The following KIAA1549L variants were observed in gnomAD, a reference collection of about 807,000 sequenced individuals.
The protein encoded by KIAA1549L is UPF0606 protein KIAA1549L.
A neutral mutation model predicts 160.7 loss-of-function variants in KIAA1549L; 88 were observed. The observed-to-expected ratio is 0.55, with a 90% CI of 0.46 to 0.65. The LOEUF is 0.65. Among genes scored for constraint, KIAA1549L ranks in the 30% least tolerant of loss-of-function variants. The pLI is 0.00. For missense variants in KIAA1549L, 2,258 were observed against 2,437.5 expected (o/e 0.93, Z 1.55); for synonymous variants, 950 against 976.7 (o/e 0.97, Z 0.51).
chr11:33,499,593 A>C (rs996980838), intron 1 of KIAA1549L, among the ~76,000 whole-genome samples: 2 of 152,170 alleles, frequency 1.3e-5, no homozygotes, highest in African/African-American at 4.8e-5. Flanking sequence ...AGCCAGAGTG[A>C]ACACCCCCAT....
intron 1 of KIAA1549L, among the ~76,000 whole-genome samples, chr11:33,502,684 A>G (rs1852979589): frequency 6.6e-6 from 1 of 152,240 alleles, no homozygotes; most frequent in Non-Finnish European, 1.5e-5. Context: ...TATTACCAAA[A>G]TATGCTTCAT....
chr11:33,605,645 T>C (rs1850481278), intron 13 of KIAA1549L, among the ~76,000 whole-genome samples: 1 of 152,204 alleles, frequency 6.6e-6, no homozygotes, highest in South Asian at 2.1e-4. Flanking sequence ...TATGTGTTTC[T>C]CAATAATTTA....
chr11:33,624,386 A>T (rs1590408854), intron 16 of KIAA1549L, among the ~76,000 whole-genome samples: 1 of 151,990 alleles, frequency 6.6e-6, no homozygotes, highest in African/African-American at 2.4e-5. Context: ...AATCCTATGT[A>T]CTCCTGGGCC....
intron 1 of KIAA1549L, among the ~76,000 whole-genome samples, chr11:33,513,754 G>A (rs1853278182): frequency 6.6e-6 from 1 of 152,196 alleles, no homozygotes; most frequent in Admixed American, 6.5e-5. Flanking sequence ...TCACTCTTGG[G>A]CCAGTTGGCC....
At chr11:33,495,954 G>A (rs6484656) in intron 1 of KIAA1549L, among the ~76,000 whole-genome samples, 61,719 of 151,684 alleles carry the variant, frequency 0.41, 12,688 homozygotes, top group Middle Eastern at 0.55. Context: ...CATGTCCTTC[G>A]CCCACTTTTA....
chr11:33,536,442 G>A (rs1201595490), intron 1 of KIAA1549L, among the ~76,000 whole-genome samples: 1 of 152,224 alleles, frequency 6.6e-6, no homozygotes, highest in African/African-American at 2.4e-5. Context: ...GTGGATTGGA[G>A]TGGTCAGGCA....
Position 33,427,519 on chromosome 11 carries a change from C to T in KIAA1549L, c.238+50630C>T, listed in dbSNP as rs368348698. Among the ~76,000 whole-genome samples the T allele has an allele frequency of 6.6e-5, 10 of 152,250 alleles. No homozygotes were observed. The South Asian group carries it at 1.0e-3, about 16-fold the overall frequency. On this transcript the variant is annotated intron_variant, in intron 1 of 20. Transcript: ENST00000658780. Reference sequence around the variant, plus strand: ...TCCCCCTTCGCTGCTATACTCCCTCCGTCCCTATTTCTCCTTCCTCTTTTT... The same window carrying T: ...TCCCCCTTCGCTGCTATACTCCCTCTGTCCCTATTTCTCCTTCCTCTTTTT...
At chr11:33,415,419 A>T (rs892684497) in intron 1 of KIAA1549L, among the ~76,000 whole-genome samples, 1 of 152,160 alleles carries the variant, frequency 6.6e-6, no homozygotes, top group Non-Finnish European at 1.5e-5. Flanking sequence ...GTGTCGCTGT[A>T]CTGTCCCTGG....
chr11:33,535,023 G>A lies in KIAA1549L; in HGVS notation c.239-6779G>A, dbSNP rs74488485. Among the ~76,000 whole-genome samples, 1,097 of 152,246 alleles carry A rather than the reference G, an allele frequency of 7.2e-3. 5 individuals carry two copies. Among genetic ancestry groups the A allele is most frequent in the Non-Finnish European group, 0.012 (804 of 68,020 alleles). On this transcript the variant is annotated intron_variant, in intron 1 of 20. Transcript: ENST00000658780. ...GGCTGGACACAGCTTATCTGCACAG[G>A]GTCTCACAGGGCTGCATACATGGTA...
In KIAA1549L at chr11:33,542,609, C is replaced by T. The variant is rs1292370224; in HGVS notation, c.1046C>T (p.Ala349Val). 1 of 1,613,848 alleles carries T rather than the reference C, an allele frequency of 6.2e-7. No individual in the cohort carries two copies. Among genetic ancestry groups the T allele is most frequent in the Admixed American group, 1.7e-5 (1 of 60,002 alleles). ...ACACCTGGGTTTTTGAGCCCCATGGCAGAACTGTCCCATCCGTCTCCCCCT... is the reference window on the plus strand; with the variant it reads ...ACACCTGGGTTTTTGAGCCCCATGGTAGAACTGTCCCATCCGTCTCCCCCT... ...SSTPGFLSPM[A>V]ELSHPSPPPP... Residue 349 changes from alanine to valine, a missense_variant, in exon 2 of 21, where the codon GCA (alanine) becomes GTA (valine). Transcript: ENST00000658780.
At chr11:33,438,847 G>T (rs1243433121) in intron 1 of KIAA1549L, among the ~76,000 whole-genome samples, 29 of 139,588 alleles carry the variant, frequency 2.1e-4, no homozygotes, top group Admixed American at 2.1e-4. Context: ...GGATTTGAAG[G>T]TTTTTTTTTT....
At chr11:33,492,782 T>C (rs1467601633) in intron 1 of KIAA1549L, among the ~76,000 whole-genome samples, 1 of 152,166 alleles carries the variant, frequency 6.6e-6, no homozygotes, top group Non-Finnish European at 1.5e-5. Flanking sequence ...ACACATTCTA[T>C]TCATTATTCT....
At chr11:33,398,036 C>T (rs1850422860) in intron 1 of KIAA1549L, among the ~76,000 whole-genome samples, 1 of 150,956 alleles carries the variant, frequency 6.6e-6, no homozygotes, top group African/African-American at 2.4e-5. Context: ...ATTCTCCTGC[C>T]TCAGCCTCCC....
At position 33,530,423 on chromosome 11, in the gene KIAA1549L, AAAAAAAAAAAAAAATATATATATATATAT is replaced by A. The variant is rs1252873406; in HGVS notation, c.239-11377_239-11349del. Among the ~76,000 whole-genome samples the A allele has an allele frequency of 3.5e-3, 52 of 14,838 alleles. 6 individuals are homozygous for A. Among genetic ancestry groups the A allele is most frequent in the East Asian group, 0.018 (15 of 812 alleles). 9.7% of individuals were successfully genotyped at this position (14,838 alleles called of 152,430 possible). A position where few individuals can be genotyped will look rare whatever the true frequency, so the allele number is the denominator to read the frequency against. Reference sequence around the variant, plus strand: ...TCTAAAGAAGAAGAAGGAAAAAAAAAAAAAAAAAAAAAAATATATATATATATATATATATATATATATATATATATATA... The same window carrying A: ...TCTAAAGAAGAAGAAGGAAAAAAAAAATATATATATATATATATATATATA... On this transcript the variant is annotated intron_variant, in intron 1 of 20. Transcript: ENST00000658780.
intron 1 of KIAA1549L, among the ~76,000 whole-genome samples, chr11:33,404,192 C>A (rs1321422170): frequency 1.3e-5 from 2 of 152,134 alleles, no homozygotes; most frequent in Admixed American, 1.3e-4. Context: ...CTATGTGAGG[C>A]ACATAAAAAG....
In KIAA1549L at chr11:33,543,771, T is replaced by G. The variant is rs1854123293; in HGVS notation, c.2208T>G (p.Thr736=). 6.2e-7 allele frequency: 1 copy of G among 1,614,026 alleles called. No individual in the cohort carries two copies. The highest frequency in any genetic ancestry group is 2.2e-5 in the East Asian group (1 of 44,886). ...GHTISTTSWE[T]HLAPTAPPNG... ...CAATTAGCACCACAAGTTGGGAAACTCATTTAGCTCCAACAGCTCCTCCCA... is the reference window on the plus strand; with the variant it reads ...CAATTAGCACCACAAGTTGGGAAACGCATTTAGCTCCAACAGCTCCTCCCA... The change falls in exon 2 of 21, where the codon ACT becomes ACG. Residue 736 remains threonine, a synonymous_variant. Coordinates refer to ENST00000658780, the MANE Select transcript of KIAA1549L (RefSeq NM_012194.3).
At chr11:33,470,779 G>A (rs1852162678) in intron 1 of KIAA1549L, among the ~76,000 whole-genome samples, 1 of 152,158 alleles carries the variant, frequency 6.6e-6, no homozygotes, top group African/African-American at 2.4e-5. Flanking sequence ...AATCCAGGAA[G>A]TTAGAGTTTT....
At chr11:33,600,944 A>G (rs1035003348) in intron 13 of KIAA1549L, among the ~76,000 whole-genome samples, 7 of 151,854 alleles carry the variant, frequency 4.6e-5, no homozygotes, top group Non-Finnish European at 8.8e-5. Context: ...GTCACTCCCC[A>G]CTTAGCTGGT....
intron 1 of KIAA1549L, among the ~76,000 whole-genome samples, chr11:33,428,674 C>T (rs1851169655): frequency 6.6e-6 from 1 of 152,186 alleles, no homozygotes; most frequent in Non-Finnish European, 1.5e-5. Context: ...TGTATATGTG[C>T]CACATTTTCT....
Sources: allele counts gnomAD v4.1 joint callset (sites outside exome capture counted in the v4.1 genomes callset), GRCh38; gene constraint gnomAD v4.1.1; transcripts MANE v1.5; gene names NCBI Gene and HGNC (gene_info 2026-07-23, HGNC 2026-07-21).